GPX3: variants seen among roughly 807,000 people sequenced by gnomAD.
The protein encoded by GPX3 is GPx-3.
In GPX3, 22 loss-of-function variants were observed where a neutral mutation model predicts 25.1. The ratio of observed to expected loss-of-function variants is 0.88; its 90% CI spans 0.63 to 1.25. The LOEUF (loss-of-function observed/expected upper bound fraction) is 1.25, where lower values mean the gene tolerates loss of function less well. Among genes scored for constraint, GPX3 ranks in the 50% most tolerant of loss-of-function variants. The probability of loss-of-function intolerance (pLI) is 0.00; values close to 1 mark genes in which losing one functional copy is unlikely to be tolerated. For synonymous variants in GPX3, 110 were observed against 114.5 expected (o/e 0.96, Z 0.25); for missense variants, 278 against 286.6 (o/e 0.97, Z 0.22).
chr5:151,020,759 C>A lies in GPX3; in HGVS notation c.87+18C>A. ...AGTCGAAGGTGAGTGAGCCTCCGGG[C>A]CGGGGGCCGGGAGAAAAAACCTAGC... On this transcript the variant is annotated intron_variant, in intron 1 of 4. Transcript: ENST00000388825. The A allele has an allele frequency of 6.2e-7, 1 of 1,605,736 alleles. No homozygotes were observed.
chr5:151,020,991 G>A, intron 1 of GPX3: 1 of 534,242 alleles, frequency 1.9e-6, no homozygotes, highest in South Asian at 2.1e-5. Flanking sequence ...ACTAAGGGAG[G>A]AAGGTCTCTC....
chr5:151,027,165 A>G, intron 3 of GPX3, 148 bp downstream of exon 3: 1 of 665,750 alleles, frequency 1.5e-6, no homozygotes, highest in Non-Finnish European at 2.7e-6. Context: ...GGGAAGGGAC[A>G]AGAGAGGGAG....
chr5:151,027,677 C>A, intron 4 of GPX3, 146 bp downstream of exon 4: 1 of 670,456 alleles, frequency 1.5e-6, no homozygotes, highest in Non-Finnish European at 2.6e-6. Flanking sequence ...GAGGGCTCTG[C>A]AGACCCTGAC....
In GPX3 at chr5:151,020,604, C is replaced by T; in HGVS notation, c.-51C>T. 6.7e-7 allele frequency: 1 copy of T among 1,500,572 alleles called. No homozygotes were observed. The highest frequency in any genetic ancestry group is 1.2e-5 in the South Asian group (1 of 83,466). The allele number at this position is 1,500,572 out of a possible 1,614,324, so 93.0% of individuals were successfully genotyped here. The stretch of plus-strand genomic sequence containing the variant: ...GCCGGACACCTCAGACGGACGGTGG[C>T]CAGGGATCAGGCAGCGGCTCAGGCG... On this transcript the variant is annotated 5_prime_UTR_variant, in exon 1 of 5. Coordinates refer to ENST00000388825, the MANE Select transcript of GPX3 (RefSeq NM_002084.5).
Position 151,020,702 on chromosome 5 carries a change from C to T in GPX3, c.48C>T (p.Ala16=), listed in dbSNP as rs370954217. The T allele has an allele frequency of 3.7e-4, 595 of 1,611,704 alleles. 3 individuals carry two copies. The South Asian group carries it at 6.0e-3, about 16-fold the overall frequency. Residue 16 remains alanine, a synonymous_variant, in exon 1 of 5, where the codon GCC becomes GCT. Transcript: ENST00000388825. The part of the protein sequence containing the change: ...QASCLLSLLL[A]GFVSQSRGQE... ...CCTGCCTGCTTTCCCTGCTCCTGGCCGGCTTCGTCTCGCAGAGCCGGGGAC... is the reference window on the plus strand; with the variant it reads ...CCTGCCTGCTTTCCCTGCTCCTGGCTGGCTTCGTCTCGCAGAGCCGGGGAC...
intron 1 of GPX3, 94 bp from the exon 2 acceptor site, chr5:151,025,246 C>A: frequency 9.9e-7 from 1 of 1,012,770 alleles, no homozygotes; most frequent in Non-Finnish European, 1.4e-6. Context: ...TTGAGAAAGT[C>A]ACTCTCTCTG....
intron 1 of GPX3, chr5:151,021,735 T>C (rs3805435): frequency 0.091 from 13,863 of 152,858 alleles, 1,148 homozygotes; most frequent in East Asian, 0.42. Context: ...GTGGGCTCTG[T>C]AGACCTCTCC....
Position 151,028,712 on chromosome 5 carries a change from G to C in GPX3, c.*582G>C, listed in dbSNP as rs1756610741. On this transcript the variant is annotated 3_prime_UTR_variant, in exon 5 of 5. Coordinates refer to ENST00000388825, the MANE Select transcript of GPX3 (RefSeq NM_002084.5). ...ACATCCCCACCCCACAGTTCTCCCT[G>C]AGAGAGATCAACCTCCCTGAGATCA... The C allele has an allele frequency of 6.4e-6, 1 of 155,340 alleles. No individual in the cohort carries two copies. The highest frequency in any genetic ancestry group is 2.4e-5 in the African/African-American group (1 of 41,412). The allele number at this position is 155,340 out of a possible 1,614,324, so 9.6% of individuals were successfully genotyped here. A position where few individuals can be genotyped will look rare whatever the true frequency, so the allele number is the denominator to read the frequency against.
At chr5:151,022,235 A>G (rs3828599) in intron 1 of GPX3, among the ~76,000 whole-genome samples, 101,872 of 152,098 alleles carry the variant, frequency 0.67, 34,830 homozygotes, top group Non-Finnish European at 0.76. Context: ...AGTTTTGGAA[A>G]GGTCAAAGAA....
chr5:151,028,249 C>T lies in GPX3; in HGVS notation c.*119C>T. ...GACCCCTTTCCTATCACTCAAGGCC[C>T]CAGCCTGGCACAAATGGATGCATAC... On this transcript the variant is annotated 3_prime_UTR_variant, in exon 5 of 5. Transcript: ENST00000388825. 1 of 885,188 alleles carries T rather than the reference C, an allele frequency of 1.1e-6. No individual in the cohort carries two copies. Among genetic ancestry groups the T allele is most frequent in the Non-Finnish European group, 1.8e-6 (1 of 562,048 alleles). 54.8% of individuals were successfully genotyped at this position (885,188 alleles called of 1,614,324 possible).
chr5:151,025,506 C>A lies in GPX3; in HGVS notation c.241+13C>A. On this transcript the variant is annotated intron_variant, in intron 2 of 4. Coordinates refer to ENST00000388825, the MANE Select transcript of GPX3 (RefSeq NM_002084.5). Reference sequence around the variant, plus strand: ...GGCCAGTACATTGGTAAGAGCCCACCCTTCCTCCCTGCTTTATTTGGGGCT... The same window carrying A: ...GGCCAGTACATTGGTAAGAGCCCACACTTCCTCCCTGCTTTATTTGGGGCT... The A allele has an allele frequency of 6.3e-7, 1 of 1,582,108 alleles. No individual in the cohort carries two copies. The highest frequency in any genetic ancestry group is 8.6e-7 in the Non-Finnish European group (1 of 1,163,554).
At position 151,028,065 on chromosome 5, in the gene GPX3, A is replaced by C. The variant is rs1400813196; in HGVS notation, c.616A>C (p.Asn206His). The part of the protein sequence containing the change: ...MRWHHRTTVS[N>H]VKMDILSYMR... ...CTGGCACCACCGGACCACGGTCAGC[A>C]ACGTCAAGATGGACATCCTGTCCTA... The change falls in exon 5 of 5, where the codon AAC (asparagine) becomes CAC (histidine). Residue 206 changes from asparagine (N) to histidine (H), a missense_variant. Asn to His is a moderately conservative substitution (Grantham distance 68). Coordinates refer to ENST00000388825, the MANE Select transcript of GPX3 (RefSeq NM_002084.5). 1.2e-6 allele frequency: 2 copies of C among 1,612,798 alleles called. No homozygotes were observed. Among genetic ancestry groups the C allele is most frequent in the African/African-American group, 1.3e-5 (1 of 75,034 alleles).
At position 151,027,898 on chromosome 5, in the gene GPX3, C is replaced by A; in HGVS notation, c.460-11C>A. ...CAAGCAAGGTTGACACTCCTCTTAT[C>A]CCTGCTCTAGAACTCCTGTCCTCCC... On this transcript the variant is annotated splice_polypyrimidine_tract_variant and intron_variant, in intron 4 of 4. Coordinates refer to ENST00000388825, the MANE Select transcript of GPX3 (RefSeq NM_002084.5). The A allele has an allele frequency of 1.9e-6, 3 of 1,611,426 alleles. No individual in the cohort carries two copies. The highest frequency in any genetic ancestry group is 2.5e-6 in the Non-Finnish European group (3 of 1,177,560).
rs1175875731 is a variant in GPX3, at chr5:151,027,463, A to C, written c.391A>C (p.Asn131His). ...CCGACCAGGTGGAGGCTTTGTCCCTAATTTCCAGCTCTTTGAGAAAGGGGA... is the reference window on the plus strand; with the variant it reads ...CCGACCAGGTGGAGGCTTTGTCCCTCATTTCCAGCTCTTTGAGAAAGGGGA... ...YVRPGGGFVPNFQLFEKGDVN... is the reference protein window; with the variant it reads ...YVRPGGGFVPHFQLFEKGDVN... Residue 131 changes from asparagine (N) to histidine (H), a missense_variant, in exon 4 of 5, where the codon AAT becomes CAT. Transcript: ENST00000388825. The C allele has an allele frequency of 1.9e-6, 3 of 1,613,840 alleles. No individual in the cohort carries two copies. The South Asian group carries it at 3.3e-5, about 18-fold the overall frequency.
Position 151,020,659 on chromosome 5 carries a change from C to G in GPX3, c.5C>G (p.Ala2Gly), listed in dbSNP as rs1488564601. M[A>G]RLLQASCLLS... ...TGAGTGTGCCCCCACCCCGCCATGGCCCGGCTGCTGCAGGCGTCCTGCCTG... is the reference window on the plus strand; with the variant it reads ...TGAGTGTGCCCCCACCCCGCCATGGGCCGGCTGCTGCAGGCGTCCTGCCTG... The change falls in exon 1 of 5, where the codon GCC becomes GGC. Residue 2 changes from alanine to glycine, a missense_variant. Physicochemically the swap from Ala to Gly is moderately conservative, Grantham distance 60 (BLOSUM62 0). Transcript: ENST00000388825. 4 of 1,608,170 alleles carry G rather than the reference C, an allele frequency of 2.5e-6. No homozygotes were observed. The African/African-American group carries it at 5.3e-5, about 21-fold the overall frequency.
Position 151,027,489 on chromosome 5 carries a change from T to A in GPX3, c.417T>A (p.Asp139Glu), listed in dbSNP as rs1371910558. 23 of 1,613,676 alleles carry A rather than the reference T, an allele frequency of 1.4e-5. No homozygotes were observed. The highest frequency in any genetic ancestry group is 1.9e-5 in the Non-Finnish European group (23 of 1,179,578). The change falls in exon 4 of 5, where the codon GAT (aspartate) becomes GAA (glutamate). Residue 139 changes from aspartate to glutamate, a missense_variant. Physicochemically the swap from Asp to Glu is conservative, Grantham distance 45. Coordinates refer to ENST00000388825, the MANE Select transcript of GPX3 (RefSeq NM_002084.5). ...ATTTCCAGCTCTTTGAGAAAGGGGA[T>A]GTCAATGGAGAGAAAGAGCAGAAAT... ...VPNFQLFEKG[D>E]VNGEKEQKFY...
At chr5:151,026,845 G>T (rs1756555885) in intron 2 of GPX3, 55 bp from the exon 3 acceptor site, 31 of 1,308,218 alleles carry the variant, frequency 2.4e-5, no homozygotes, top group Non-Finnish European at 3.4e-5. Flanking sequence ...TGGTGTGGAT[G>T]AGACAGGGCT....
At chr5:151,023,262 G>A (rs114602264) in intron 1 of GPX3, among the ~76,000 whole-genome samples, 312 of 152,280 alleles carry the variant, frequency 2.0e-3, no homozygotes, top group African/African-American at 7.2e-3. Context: ...TCAGTGGTGA[G>A]CACAGCCGTG....
chr5:151,025,662 T>C (rs8177436), intron 2 of GPX3, among the ~76,000 whole-genome samples, 169 bp downstream of exon 2: 56 of 152,236 alleles, frequency 3.7e-4, no homozygotes, highest in Non-Finnish European at 6.5e-4. Flanking sequence ...TATATAAGCC[T>C]GAGGTCTGAT....
Sources: allele counts gnomAD v4.1 joint callset (sites outside exome capture counted in the v4.1 genomes callset), GRCh38; gene constraint gnomAD v4.1.1; transcripts MANE v1.5; gene names NCBI Gene and HGNC (gene_info 2026-07-23, HGNC 2026-07-21).